PARP6: variants seen among roughly 807,000 people sequenced by gnomAD.
PARP6 encodes the protein poly(ADP-ribose) polymerase family member 6.
PARP6 carries 27 observed loss-of-function variants against 92.0 expected under a neutral mutation model. The ratio of observed to expected loss-of-function variants is 0.29; its 90% CI spans 0.22 to 0.40. PARP6 has a LOEUF of 0.40. PARP6 is among the 10% of genes least tolerant of loss of function. The pLI is 1.00. For synonymous variants in PARP6, 272 were observed against 281.2 expected (o/e 0.97, Z 0.33); for missense variants, 501 against 784.5 (o/e 0.64, Z 4.32).
In PARP6 at chr15:72,261,075, G is replaced by GT. The variant is rs1425082532; in HGVS notation, c.546-388dup. On this transcript the variant is annotated intron_variant, in intron 9 of 23. Transcript: ENST00000569795. ...AAGAAGTAGTTGCATCCCAAAGGGC[G>GT]TAATATTGACTATCTGACTGTCAAC... 5.9e-5 allele frequency among the ~76,000 whole-genome samples: 9 copies of GT among 152,316 alleles called. No individual in the cohort carries two copies. The South Asian group carries it at 1.9e-3, about 32-fold the overall frequency.
intron 9 of PARP6, among the ~76,000 whole-genome samples, chr15:72,261,029 T>G (rs187573499): frequency 1.1e-4 from 17 of 151,958 alleles, no homozygotes; most frequent in Admixed American, 7.9e-4. Flanking sequence ...GAGAGAGAGA[T>G]TGTTAAACAC....
chr15:72,268,811 T>C (rs892066391), intron 2 of PARP6, among the ~76,000 whole-genome samples: 1 of 152,156 alleles, frequency 6.6e-6, no homozygotes, highest in African/African-American at 2.4e-5. Flanking sequence ...CAAAGAAAAA[T>C]GCAATAATTA....
At chr15:72,268,750 C>CA (rs2086953260) in intron 2 of PARP6, among the ~76,000 whole-genome samples, 2 of 152,232 alleles carry the variant, frequency 1.3e-5, no homozygotes, top group Admixed American at 6.5e-5. Context: ...GTTATGGTCT[C>CA]AGTTGTCATT....
At chr15:72,267,837 C>T (rs1327599364) in intron 2 of PARP6, among the ~76,000 whole-genome samples, 166 bp from the exon 3 acceptor site, 1 of 152,060 alleles carries the variant, frequency 6.6e-6, no homozygotes, top group Non-Finnish European at 1.5e-5. Flanking sequence ...CTGCAACCTC[C>T]GCCTCCTGGG....
chr15:72,259,750 C>T lies in PARP6; in HGVS notation c.757-89G>A, dbSNP rs887444274. Reference sequence around the variant, plus strand: ...ACTCTTGCCTATCACCTAGGACTCTCCTAAAGCAGCTAAACCCTAGCTCAG... The same window carrying T: ...ACTCTTGCCTATCACCTAGGACTCTTCTAAAGCAGCTAAACCCTAGCTCAG... On this transcript the variant is annotated intron_variant, in intron 10 of 23. Transcript: ENST00000569795. The T allele has an allele frequency of 4.0e-5, 43 of 1,081,986 alleles. No individual in the cohort carries two copies. The African/African-American group carries it at 4.9e-4, about 12-fold the overall frequency. The allele number at this position is 1,081,986 out of a possible 1,614,324, so 67.0% of individuals were successfully genotyped here. A position where few individuals can be genotyped will look rare whatever the true frequency, so the allele number is the denominator to read the frequency against.
chr15:72,266,604 T>C, intron 4 of PARP6, 141 bp downstream of exon 4: 1 of 663,820 alleles, frequency 1.5e-6, no homozygotes, highest in Non-Finnish European at 2.7e-6. Flanking sequence ...GGATCAGCTC[T>C]GACAAGACCA....
intron 20 of PARP6, among the ~76,000 whole-genome samples, chr15:72,247,102 G>A (rs1178020173): frequency 1.3e-5 from 2 of 152,136 alleles, no homozygotes; most frequent in East Asian, 1.9e-4. Context: ...TATATGTGCT[G>A]CAAATGTCTT....
At chr15:72,250,276 A>G in intron 18 of PARP6, 184 bp from the exon 19 acceptor site, 2 of 568,098 alleles carry the variant, frequency 3.5e-6, no homozygotes, top group Middle Eastern at 2.7e-4. Context: ...GTTAAACTCT[A>G]CGTCTCTATT....
chr15:72,249,565 A>G (rs1009823746), intron 19 of PARP6, among the ~76,000 whole-genome samples: 2 of 152,238 alleles, frequency 1.3e-5, no homozygotes, highest in African/African-American at 4.8e-5. Context: ...GTCCCTCAGC[A>G]TTCATTTTCC....
chr15:72,248,894 A>T (rs964843936), intron 20 of PARP6, among the ~76,000 whole-genome samples: 1 of 152,236 alleles, frequency 6.6e-6, no homozygotes, highest in Non-Finnish European at 1.5e-5. Flanking sequence ...AGATGTTTTC[A>T]CATGTAAACT....
Position 72,242,583 on chromosome 15 carries a change from A to G in PARP6, c.1641+37T>C, listed in dbSNP as rs748159800. On this transcript the variant is annotated intron_variant, in intron 21 of 23. Coordinates refer to ENST00000569795, the MANE Select transcript of PARP6 (RefSeq NM_001323532.2). This position sits in a 1 kb window ranked among gnomAD's most constrained non-coding sequence, Gnocchi z 4.3. The stretch of plus-strand genomic sequence containing the variant: ...CAGCTCTGGAGCCTAAATTAGCCCC[A>G]GGGAAAGGTCCTGCCTCATTAGAAT... 2 of 1,391,354 alleles carry G rather than the reference A, an allele frequency of 1.4e-6. No homozygotes were observed. The highest frequency in any genetic ancestry group is 3.3e-5 in the Admixed American group (2 of 59,766). 86.2% of individuals were successfully genotyped at this position (1,391,354 alleles called of 1,614,324 possible). A position where few individuals can be genotyped will look rare whatever the true frequency, so the allele number is the denominator to read the frequency against.
intron 10 of PARP6, 150 bp downstream of exon 10, chr15:72,260,328 T>C: frequency 3.1e-6 from 2 of 635,266 alleles, no homozygotes; most frequent in Non-Finnish European, 5.5e-6. Context: ...AAAAAAGAAG[T>C]GTTCCATTCT....
chr15:72,246,401 G>T (rs1185197337), intron 20 of PARP6, among the ~76,000 whole-genome samples: 1 of 152,106 alleles, frequency 6.6e-6, no homozygotes, highest in South Asian at 2.1e-4. Flanking sequence ...ACCTGCTTTG[G>T]CCTCCCAAAG....
intron 8 of PARP6, among the ~76,000 whole-genome samples, chr15:72,262,529 A>C (rs2141056110): frequency 6.6e-6 from 1 of 152,216 alleles, no homozygotes; most frequent in Non-Finnish European, 1.5e-5. Flanking sequence ...AACTTTCTGC[A>C]CCTTAGTCTA....
At chr15:72,250,371 T>G in intron 18 of PARP6, 1 of 389,642 alleles carries the variant, frequency 2.6e-6, no homozygotes. Context: ...TTGCCCATTA[T>G]CCTGACATTT....
chr15:72,262,610 T>C (rs946327041), intron 8 of PARP6, among the ~76,000 whole-genome samples: 4 of 152,222 alleles, frequency 2.6e-5, no homozygotes, highest in African/African-American at 7.2e-5. Flanking sequence ...TTCTATGTTG[T>C]TGCCAACCAC....
At chr15:72,244,100 G>A (rs1319804261) in intron 20 of PARP6, 3 of 142,344 alleles carry the variant, frequency 2.1e-5, no homozygotes, top group Admixed American at 1.3e-4. Flanking sequence ...CATAACCCCT[G>A]TTTTCACCTT....
At position 72,260,547 on chromosome 15, in the gene PARP6, G is replaced by T. The variant is rs762235152; in HGVS notation, c.687C>A (p.Pro229=). The change falls in exon 10 of 24, where the codon CCC becomes CCA. Residue 229 remains proline, a synonymous_variant. Coordinates refer to ENST00000569795, the MANE Select transcript of PARP6 (RefSeq NM_001323532.2). ...GGCACAGGAGACCTGCCTGGGGGCTGGGAGGGTAGCCAAACACTTCCACTT... is the reference window on the plus strand; with the variant it reads ...GGCACAGGAGACCTGCCTGGGGGCTTGGAGGGTAGCCAAACACTTCCACTT... ...NPKVEVFGYP[P]SPQAGLLCPQ... is the part of the protein sequence containing the mutation. 3.1e-6 allele frequency: 5 copies of T among 1,614,208 alleles called. No individual in the cohort carries two copies. The highest frequency in any genetic ancestry group is 3.3e-5 in the Admixed American group (2 of 60,026).
At chr15:72,264,792 G>C (rs1327548356) in intron 7 of PARP6, among the ~76,000 whole-genome samples, 171 bp from the exon 8 acceptor site, 1 of 152,206 alleles carries the variant, frequency 6.6e-6, no homozygotes, top group Admixed American at 6.5e-5. Flanking sequence ...TCTCGAAGCT[G>C]TCATATGAAT....
Sources: allele counts gnomAD v4.1 joint callset (sites outside exome capture counted in the v4.1 genomes callset), GRCh38; gene constraint gnomAD v4.1.1; non-coding constraint Gnocchi (gnomAD v3.1); transcripts MANE v1.5; gene names NCBI Gene and HGNC (gene_info 2026-07-23, HGNC 2026-07-21).